The following TTN variants were observed in gnomAD, a reference collection of about 807,000 sequenced individuals.
The protein encoded by TTN is connectin.
A neutral mutation model predicts 3,223.0 loss-of-function variants in TTN; 1,525 were observed. That is an observed-to-expected ratio of 0.47 (90% CI 0.45 to 0.49). The LOEUF (loss-of-function observed/expected upper bound fraction) is 0.49, where lower values mean the gene tolerates loss of function less well. Among genes scored for constraint, TTN ranks in the 20% least tolerant of loss-of-function variants. The probability of loss-of-function intolerance (pLI) is 0.00; values close to 1 mark genes in which losing one functional copy is unlikely to be tolerated. For missense variants in TTN, 40,786 were observed against 43,424.0 expected, an observed-to-expected ratio of 0.94 and a Z score of 5.40; for synonymous variants, 14,094 against 15,161.0, an observed-to-expected ratio of 0.93 and a Z score of 5.17.
Position 178,572,706 on chromosome 2 carries a change from C to T in TTN, c.73426G>A (p.Glu24476Lys), listed in dbSNP as rs760487688. 9.9e-6 allele frequency: 16 copies of T among 1,613,394 alleles called. No homozygotes were observed. The highest frequency in any genetic ancestry group is 1.2e-5 in the Non-Finnish European group (14 of 1,179,568). ...AGCAGGGTGTAAGAGCTTGTGGATTCGATGCTAGCTTTATCTAAAGATTCT... is the reference window on the plus strand; with the variant it reads ...AGCAGGGTGTAAGAGCTTGTGGATTTGATGCTAGCTTTATCTAAAGATTCT... ...HGESLDKASI[E>K]STSSYTLLIV... Residue 24476 changes from glutamate to lysine, a missense_variant, in exon 326 of 363, where the codon GAA (glutamate) becomes AAA (lysine). Glu to Lys is a moderately conservative substitution (Grantham distance 56). Transcript: ENST00000589042.
rs771849393 is a variant in TTN at position 178,773,601 on chromosome 2, G to C, written c.7455C>G (p.Ile2485Met). The change falls in exon 32 of 363, where the codon ATC becomes ATG. Residue 2485 changes from isoleucine (I) to methionine (M), a missense_variant. Physicochemically the swap from Ile to Met is conservative, Grantham distance 10. Transcript: ENST00000589042. ...SVKWYLNDEQIKPDDRVQAIV... is the reference protein window; with the variant it reads ...SVKWYLNDEQMKPDDRVQAIV... ...TGGCCTGTACACGGTCATCAGGCTT[G>C]ATTTGTTCATCATTTAAGTACCACT... 1.9e-6 allele frequency: 3 copies of C among 1,614,024 alleles called. No individual in the cohort carries two copies. The highest frequency in any genetic ancestry group is 2.5e-6 in the Non-Finnish European group (3 of 1,179,976).
chr2:178,713,403 C>A, intron 92 of TTN, 31 bp from the exon 93 acceptor site: 1 of 1,465,120 alleles, frequency 6.8e-7, no homozygotes, highest in Non-Finnish European at 9.0e-7. Context: ...CAAAACAAAA[C>A]AAAACAAAAA....
chr2:178,712,714 G>A lies in TTN; in HGVS notation c.27311C>T (p.Thr9104Ile), dbSNP rs2076843067. ...SNEAGKASCT[T>I]HLYIKAPAKF... The stretch of plus-strand genomic sequence containing the variant: ...TGACAAACCTTTTATGTAGAGATGT[G>A]TTGTACAAGAAGCCTTGCCAGCTTC... The change falls in exon 94 of 363, where the codon ACA becomes ATA. Residue 9104 changes from threonine to isoleucine, a missense_variant. Physicochemically the swap from Thr to Ile is moderately conservative, Grantham distance 89. Transcript: ENST00000589042. The A allele has an allele frequency of 1.9e-6, 3 of 1,613,466 alleles. No individual in the cohort carries two copies. Among genetic ancestry groups the A allele is most frequent in the African/African-American group, 2.7e-5 (2 of 74,916 alleles).
chr2:178,626,341 A>G (rs1017371959), intron 240 of TTN, among the ~76,000 whole-genome samples: 2 of 151,990 alleles, frequency 1.3e-5, no homozygotes, highest in Non-Finnish European at 2.9e-5. Context: ...GAATGGGAAA[A>G]TCAGATGTCA....
At position 178,563,640 on chromosome 2, in the gene TTN, C is replaced by T. The variant is rs1458136255; in HGVS notation, c.82492G>A (p.Gly27498Ser). ...VTWARPVDDGGTEIEGYILEK... is the reference protein window; with the variant it reads ...VTWARPVDDGSTEIEGYILEK... ...AGAATGTAGCCCTCAATTTCGGTAC[C>T]TCCGTCGTCTACTGGGCGTGCCCAT... The change falls in exon 326 of 363, where the codon GGT (glycine) becomes AGT (serine). Residue 27498 changes from glycine to serine, a missense_variant. Transcript: ENST00000589042. This position sits in a 1 kb window ranked among gnomAD's most constrained non-coding sequence, Gnocchi z 4.5. 11 of 1,613,622 alleles carry T rather than the reference C, an allele frequency of 6.8e-6. No individual in the cohort carries two copies. The African/African-American group carries it at 8.0e-5, about 12-fold the overall frequency.
rs1484393725 is a variant in TTN, at chr2:178,570,510, G to T, written c.75622C>A (p.Pro25208Thr). ...NVKVLDRPGP[P>T]EGPVVISGVT... ...CCTGAGATAACAACAGGTCCTTCAG[G>T]TGGCCCTGGTCTGTCAAGAACCTTG... Residue 25208 changes from proline to threonine, a missense_variant, in exon 326 of 363, where the codon CCT (proline) becomes ACT (threonine). Physicochemically the swap from Pro to Thr is conservative, Grantham distance 38. Transcript: ENST00000589042. The T allele has an allele frequency of 6.2e-7, 1 of 1,613,208 alleles. No individual in the cohort carries two copies. The highest frequency in any genetic ancestry group is 1.1e-5 in the South Asian group (1 of 91,070).
Position 178,680,277 on chromosome 2 carries a change from T to G in TTN, c.33395A>C (p.Lys11132Thr), listed in dbSNP as rs745944870. 6.2e-7 allele frequency: 1 copy of G among 1,612,038 alleles called. No homozygotes were observed. Among genetic ancestry groups the G allele is most frequent in the South Asian group, 1.1e-5 (1 of 90,640 alleles). Residue 11132 changes from lysine (K) to threonine (T), a missense_variant, in exon 139 of 363, where the codon AAA becomes ACA. Coordinates refer to ENST00000589042, the MANE Select transcript of TTN (RefSeq NM_001267550.2). ...ACCTCTAACAGGTGGTGCTACTTCT[T>G]TTCTAGGGACAGGTACTTTTTCTTC... is the stretch of plus-strand genomic sequence containing the variant. ...VAEEKVPVPR[K>T]EVAPPVRVPE... is the part of the protein sequence containing the mutation.
intron 152 of TTN, 40 bp from the exon 153 acceptor site, chr2:178,672,743 C>A: frequency 6.7e-7 from 1 of 1,486,710 alleles, no homozygotes; most frequent in South Asian, 1.3e-5. Flanking sequence ...TGAGAATGTT[C>A]AATAACACAC....
intron 219 of TTN, 44 bp from the exon 220 acceptor site, chr2:178,641,359 T>G (rs1234773257): frequency 1.8e-6 from 2 of 1,115,268 alleles, no homozygotes; most frequent in Non-Finnish European, 2.5e-6. Context: ...GACAAACTAA[T>G]GAAGATGTTG....
chr2:178,784,154 C>G lies in TTN; in HGVS notation c.2691G>C (p.Glu897Asp), dbSNP rs778905342. ...TGCTCACCCCTACTTCCTTTTTCAC[C>G]TCAACGCCAGCTTCACTCTTGTAAG... is the stretch of plus-strand genomic sequence containing the variant. The part of the protein sequence containing the change: ...PDTYKSEAGV[E>D]VKKEVGVSIT... Residue 897 changes from glutamate to aspartate, a missense_variant, in exon 16 of 363, where the codon GAG becomes GAC. Glu to Asp is a conservative substitution (Grantham distance 45, BLOSUM62 2). Transcript: ENST00000589042. 6.2e-7 allele frequency: 1 copy of G among 1,614,142 alleles called. No individual in the cohort carries two copies. The highest frequency in any genetic ancestry group is 8.5e-7 in the Non-Finnish European group (1 of 1,180,004).
At position 178,677,858 on chromosome 2, in the gene TTN, G is replaced by C. The variant is rs794729414; in HGVS notation, c.34054C>G (p.Leu11352Val). 6.2e-7 allele frequency: 1 copy of C among 1,612,412 alleles called. No homozygotes were observed. The highest frequency in any genetic ancestry group is 2.2e-5 in the East Asian group (1 of 44,846). The change falls in exon 146 of 363, where the codon CTA (leucine) becomes GTA (valine). Residue 11352 changes from leucine to valine, a missense_variant. Coordinates refer to ENST00000589042, the MANE Select transcript of TTN (RefSeq NM_001267550.2). ...PVALPQEEEV[L>V]FEEEIVPEEE... ...TCAGGAACAATTTCTTCTTCAAATA[G>C]AACTTCCTCTTCCTGAGGTAGAGCT...
At chr2:178,719,020 C>T in intron 83 of TTN, 47 bp from the exon 84 acceptor site, 2 of 1,529,130 alleles carry the variant, frequency 1.3e-6, no homozygotes, top group Non-Finnish European at 1.8e-6. Context: ...GAAAGAAATC[C>T]AAGTGAGAAG....
chr2:178,768,076 A>G lies in TTN; in HGVS notation c.9243T>C (p.Val3081=). 6.2e-7 allele frequency: 1 copy of G among 1,614,124 alleles called. No homozygotes were observed. The highest frequency in any genetic ancestry group is 1.7e-5 in the Admixed American group (1 of 60,010). Reference sequence around the variant, plus strand: ...ACTGTACAGTGATGTCAGGTTCAGAAACTTCACATTCAAACATGGCTCGCT... The same window carrying G: ...ACTGTACAGTGATGTCAGGTTCAGAGACTTCACATTCAAACATGGCTCGCT... ...EKKRAMFECE[V]SEPDITVQWM... The change falls in exon 39 of 363, where the codon GTT becomes GTC. Residue 3081 remains valine (V), a synonymous_variant. Transcript: ENST00000589042.
At chr2:178,665,131 G>A (rs2065687834) in intron 165 of TTN, among the ~76,000 whole-genome samples, 1 of 151,964 alleles carries the variant, frequency 6.6e-6, no homozygotes, top group South Asian at 2.1e-4. Context: ...GAGCTCTCGC[G>A]ACACTCTACA....
rs1252508608 is a variant in TTN at position 178,577,225 on chromosome 2, A to T, written c.69110T>A (p.Val23037Asp). 1.9e-6 allele frequency: 3 copies of T among 1,612,906 alleles called. No individual in the cohort carries two copies. Among genetic ancestry groups the T allele is most frequent in the Non-Finnish European group, 2.5e-6 (3 of 1,179,478 alleles). Residue 23037 changes from valine (V) to aspartate (D), a missense_variant, in exon 324 of 363, where the codon GTC becomes GAC. Transcript: ENST00000589042. ...GTKVEHVKVTVLDVPGPPGPV... is the reference protein window; with the variant it reads ...GTKVEHVKVTDLDVPGPPGPV... ...ACCTGGGGGACCAGGTACATCAAGG[A>T]CTGTTACCTTCACATGTTCCACCTT... is the stretch of plus-strand genomic sequence containing the variant.
Position 178,565,691 on chromosome 2 carries a change from C to A in TTN, c.80441G>T (p.Gly26814Val), listed in dbSNP as rs1444150832. 3 of 1,613,464 alleles carry A rather than the reference C, an allele frequency of 1.9e-6. No individual in the cohort carries two copies. The highest frequency in any genetic ancestry group is 1.3e-5 in the African/African-American group (1 of 74,868). ...TTTGGGCTGCATTTCAACAACGTAC[C>A]CCAGGACTCTGCTACCGCCATCATG... ...PEHDGGSRVL[G>V]YVVEMQPKGT... is the part of the protein sequence containing the mutation. The change falls in exon 326 of 363, where the codon GGG becomes GTG. Residue 26814 changes from glycine to valine, a missense_variant. Physicochemically the swap from Gly to Val is moderately radical, Grantham distance 109. Coordinates refer to ENST00000589042, the MANE Select transcript of TTN (RefSeq NM_001267550.2).
intron 240 of TTN, among the ~76,000 whole-genome samples, 162 bp from the exon 241 acceptor site, chr2:178,625,558 G>C (rs551369677): frequency 6.6e-6 from 1 of 151,702 alleles, no homozygotes; most frequent in South Asian, 2.1e-4. Context: ...AATAGTTTGG[G>C]ATCTTTTTTT....
chr2:178,592,621 T>C lies in TTN; in HGVS notation c.59384A>G (p.Glu19795Gly), dbSNP rs776032119. Residue 19795 changes from glutamate (E) to glycine (G), a missense_variant, in exon 301 of 363, where the codon GAA becomes GGA. By Grantham distance (98) the Glu-to-Gly change is moderately conservative. Transcript: ENST00000589042. ...ELILDANMAR[E>G]QHIKVGDTLR... ...AGTATCACCAACTTTAATGTGTTGT[T>C]CTCTTGCCATGTTGGCATCAAGAAT... is the stretch of plus-strand genomic sequence containing the variant. 2 of 1,613,220 alleles carry C rather than the reference T, an allele frequency of 1.2e-6. No homozygotes were observed. Among genetic ancestry groups the C allele is most frequent in the East Asian group, 4.5e-5 (2 of 44,732 alleles).
At chr2:178,802,024 T>C (rs2094090647) in intron 3 of TTN, 114 bp downstream of exon 3, 4 of 1,302,776 alleles carry the variant, frequency 3.1e-6, no homozygotes, top group Middle Eastern at 2.5e-4. Context: ...TAGACCCTTC[T>C]GTAGTTTAAG....
Sources: allele counts gnomAD v4.1 joint callset (sites outside exome capture counted in the v4.1 genomes callset), GRCh38; gene constraint gnomAD v4.1.1; non-coding constraint Gnocchi (gnomAD v3.1); transcripts MANE v1.5; gene names NCBI Gene and HGNC (gene_info 2026-07-23, HGNC 2026-07-21).